The following MEF2B variants were observed in gnomAD, a reference collection of about 807,000 sequenced individuals.
MEF2B encodes myocyte enhancer factor 2B.
Under a neutral mutation model 32.2 loss-of-function variants are expected in MEF2B, and 15 were observed. That is an observed-to-expected ratio of 0.47 (90% CI 0.31 to 0.72). The LOEUF (loss-of-function observed/expected upper bound fraction) is 0.72, where lower values mean the gene tolerates loss of function less well. MEF2B is among the 30% of genes least tolerant of loss of function. The pLI is 0.05. For missense variants in MEF2B, 441 were observed against 511.5 expected (o/e 0.86, Z 1.33); for synonymous variants, 205 against 225.6 (o/e 0.91, Z 0.82).
chr19:19,146,965 C>G (rs982550959), intron 5 of MEF2B, 71 bp downstream of exon 5: 41 of 1,563,896 alleles, frequency 2.6e-5, no homozygotes, highest in Admixed American at 5.5e-5. Flanking sequence ...CGCAGCCTGG[C>G]AATGCCAGAG....
intron 1 of MEF2B, among the ~76,000 whole-genome samples, 152 bp from the exon 2 acceptor site, chr19:19,150,916 C>T (rs1184928147): frequency 1.1e-4 from 16 of 152,160 alleles, no homozygotes; most frequent in East Asian, 3.8e-4. Flanking sequence ...TCGCAGACCC[C>T]GCCCCCGGCC....
At chr19:19,154,181 T>G (rs1161009755) in intron 1 of MEF2B, among the ~76,000 whole-genome samples, 1 of 152,092 alleles carries the variant, frequency 6.6e-6, no homozygotes, top group Non-Finnish European at 1.5e-5. Flanking sequence ...TATATATTTT[T>G]GAGATGGAGT....
At chr19:19,150,177 AGGG>A (rs2060063140) in intron 2 of MEF2B, among the ~76,000 whole-genome samples, 3 of 86,168 alleles carry the variant, frequency 3.5e-5, no homozygotes, top group African/African-American at 5.0e-5. Flanking sequence ...GGAAGGAGGG[AGGG>A]AGGGAAGGAA....
chr19:19,166,158 C>G (rs180873760), intron 1 of MEF2B, among the ~76,000 whole-genome samples: 8 of 152,238 alleles, frequency 5.3e-5, no homozygotes, highest in African/African-American at 1.9e-4. Context: ...CAGATCCCCA[C>G]CCAATCCTGG....
Position 19,146,643 on chromosome 19 carries a change from G to C in MEF2B, c.681C>G (p.Ser227Arg), listed in dbSNP as rs761230964. The C allele has an allele frequency of 1.2e-6, 2 of 1,613,154 alleles. No individual in the cohort carries two copies. Among genetic ancestry groups the C allele is most frequent in the African/African-American group, 2.7e-5 (2 of 74,900 alleles). ...GPRGGLNTSR[S>R]LYSGLQNPCS... is the part of the protein sequence containing the mutation. Reference sequence around the variant, plus strand: ...AGGGGTTCTGCAGGCCACTGTAGAGGCTTCTCTGTGCGGAGAGAGGGTGAA... The same window carrying C: ...AGGGGTTCTGCAGGCCACTGTAGAGCCTTCTCTGTGCGGAGAGAGGGTGAA... The change falls in exon 7 of 9, where the codon AGC becomes AGG. Residue 227 changes from serine to arginine, a missense_variant. Ser to Arg is a moderately radical substitution (Grantham distance 110). This residue lies in a region of MEF2B where 326 missense variants were observed against 328.4 expected (regional missense o/e 0.99). Transcript: ENST00000424583.
At chr19:19,150,790 G>C in intron 1 of MEF2B, 26 bp from the exon 2 acceptor site, 1 of 1,613,714 alleles carries the variant, frequency 6.2e-7, no homozygotes, top group East Asian at 2.2e-5. Flanking sequence ...GGAGAGGACA[G>C]AGTGAGTGGG....
At position 19,146,358 on chromosome 19, in the gene MEF2B, G is replaced by GT; in HGVS notation, c.795_796insA (p.Pro266ThrfsTer19). The GT allele has an allele frequency of 9.1e-7, 1 of 1,102,362 alleles. No individual in the cohort carries two copies. The highest frequency in any genetic ancestry group is 1.2e-6 in the Non-Finnish European group (1 of 818,046). 68.3% of individuals were successfully genotyped at this position (1,102,362 alleles called of 1,614,324 possible). On this transcript the variant is annotated frameshift_variant, in exon 8 of 9. Transcript: ENST00000424583. LOFTEE classifies it high-confidence loss of function. The stretch of plus-strand genomic sequence containing the variant: ...GTGGGGGGCTGCAACAAGCCAGGGG[G>GT]CGGTGGAGGGTCTCCCAGGCCATAT...
rs200858994 is a variant in MEF2B, at chr19:19,148,680, CTTATTTAT to C, written c.258+538_258+545del. 8.4e-3 allele frequency among the ~76,000 whole-genome samples: 1,194 copies of C among 142,230 alleles called. 11 individuals carry two copies. Among genetic ancestry groups the C allele is most frequent in the African/African-American group, 0.019 (721 of 38,748 alleles). 93.3% of individuals were successfully genotyped at this position (142,230 alleles called of 152,430 possible). ...CCCATCCCAGTGAAGACTCCTCTGTCTTATTTATTTATTTATTTATTTATTTATTTATT... is the reference window on the plus strand; with the variant it reads ...CCCATCCCAGTGAAGACTCCTCTGTCTTATTTATTTATTTATTTATTTATT... On this transcript the variant is annotated intron_variant, in intron 3 of 8. Coordinates refer to ENST00000424583, the MANE Select transcript of MEF2B (RefSeq NM_001145785.2).
At chr19:19,166,962 G>A (rs1027869236) in intron 1 of MEF2B, among the ~76,000 whole-genome samples, 1 of 152,194 alleles carries the variant, frequency 6.6e-6, no homozygotes, top group Non-Finnish European at 1.5e-5. Flanking sequence ...CCAGAACTTT[G>A]GGATGCCAAG....
intron 1 of MEF2B, among the ~76,000 whole-genome samples, chr19:19,151,616 C>T (rs1344496267): frequency 6.6e-6 from 1 of 152,208 alleles, no homozygotes. Context: ...ACTCCACCTC[C>T]CAGCCTCTAC....
At chr19:19,167,761 A>G (rs1434333501) in intron 1 of MEF2B, among the ~76,000 whole-genome samples, 1 of 152,178 alleles carries the variant, frequency 6.6e-6, no homozygotes, top group Non-Finnish European at 1.5e-5. Context: ...GAGCTGCCAC[A>G]AAGTTCAGAG....
Position 19,150,206 on chromosome 19 carries a change from AGGAG to A in MEF2B, c.54+472_54+475del, listed in dbSNP as rs1225177126. On this transcript the variant is annotated intron_variant, in intron 2 of 8. Transcript: ENST00000424583. ...AGGGAAGGAAGGAAGGAAGGAAGGAAGGAGGGAAGGAGGGAGGGAGGGGAAACAA... is the reference window on the plus strand; with the variant it reads ...AGGGAAGGAAGGAAGGAAGGAAGGAAGGAAGGAGGGAGGGAGGGGAAACAA... Among the ~76,000 whole-genome samples the A allele has an allele frequency of 2.1e-4, 26 of 121,274 alleles. No homozygotes were observed. The East Asian group carries it at 3.8e-3, about 18-fold the overall frequency. 79.6% of individuals were successfully genotyped at this position (121,274 alleles called of 152,430 possible). A position where few individuals can be genotyped will look rare whatever the true frequency, so the allele number is the denominator to read the frequency against.
intron 1 of MEF2B, among the ~76,000 whole-genome samples, chr19:19,161,318 C>A (rs1043399346): frequency 6.6e-6 from 1 of 151,916 alleles, no homozygotes; most frequent in South Asian, 2.1e-4. Context: ...CTTGTATGGG[C>A]ATAATGGGAG....
In MEF2B at chr19:19,147,145, G is replaced by A. The variant is rs568531616; in HGVS notation, c.432C>T (p.Tyr144=). 2.0e-5 allele frequency: 32 copies of A among 1,593,468 alleles called. 1 individual carries two copies. The East Asian group carries it at 2.5e-4, about 12-fold the overall frequency. Residue 144 remains tyrosine (Y), a synonymous_variant, in exon 5 of 9, where the codon TAC becomes TAT. Coordinates refer to ENST00000424583, the MANE Select transcript of MEF2B (RefSeq NM_001145785.2). ...CACAGCCTGGTGGCGGTAAGGCCCC[G>A]TATACCACATCTGGGCTGGGCATAG... ...APAMPSPDVV[Y]GALPPPGCDP...
chr19:19,168,461 TG>T (rs1321521886), intron 1 of MEF2B, among the ~76,000 whole-genome samples: 1 of 151,744 alleles, frequency 6.6e-6, no homozygotes, highest in Non-Finnish European at 1.5e-5. Flanking sequence ...TTAGTAGAGA[TG>T]GGGTTTCTCC....
intron 1 of MEF2B, among the ~76,000 whole-genome samples, chr19:19,156,689 T>C (rs2060122647): frequency 6.6e-6 from 1 of 152,126 alleles, no homozygotes; most frequent in Non-Finnish European, 1.5e-5. Context: ...TCTTCCTCTG[T>C]CGCCCAGGCT....
chr19:19,145,581 G>T lies in MEF2B; in HGVS notation c.*216C>A. 8.9e-7 allele frequency: 1 copy of T among 1,129,922 alleles called. No homozygotes were observed. Among genetic ancestry groups the T allele is most frequent in the Non-Finnish European group, 1.2e-6 (1 of 815,778 alleles). 70.0% of individuals were successfully genotyped at this position (1,129,922 alleles called of 1,614,324 possible). On this transcript the variant is annotated 3_prime_UTR_variant, in exon 9 of 9. Coordinates refer to ENST00000424583, the MANE Select transcript of MEF2B (RefSeq NM_001145785.2). This position sits in a 1 kb window ranked among gnomAD's most constrained non-coding sequence, Gnocchi z 4.6. ...GTCACAGTCAGTCTGGTCCACGGACGCCACGCGCGTTTTATTTGTGGATAT... is the reference window on the plus strand; with the variant it reads ...GTCACAGTCAGTCTGGTCCACGGACTCCACGCGCGTTTTATTTGTGGATAT...
chr19:19,156,061 G>A (rs1019718806), intron 1 of MEF2B, among the ~76,000 whole-genome samples: 1 of 152,152 alleles, frequency 6.6e-6, no homozygotes, highest in Non-Finnish European at 1.5e-5. Context: ...ATGGGAGCCT[G>A]AGTAGAAGGG....
intron 1 of MEF2B, among the ~76,000 whole-genome samples, chr19:19,169,818 G>A (rs1181402272): frequency 6.6e-6 from 1 of 152,068 alleles, no homozygotes; most frequent in Non-Finnish European, 1.5e-5. Context: ...GTGCACAGGG[G>A]ATGCGCTAAT....
Sources: allele counts gnomAD v4.1 joint callset (sites outside exome capture counted in the v4.1 genomes callset), GRCh38; gene constraint gnomAD v4.1.1; regional missense constraint gnomAD v4.1.1; non-coding constraint Gnocchi (gnomAD v3.1); transcripts MANE v1.5; gene names NCBI Gene and HGNC (gene_info 2026-07-23, HGNC 2026-07-21).